CEP170: variants seen among roughly 807,000 people sequenced by gnomAD.
CEP170 encodes centrosomal protein 170.
A neutral mutation model predicts 151.9 loss-of-function variants in CEP170; 21 were observed. The ratio of observed to expected loss-of-function variants is 0.14; its 90% CI spans 0.10 to 0.20. CEP170 has a LOEUF of 0.20. Ranked by LOEUF, CEP170 falls within the 10% of genes least tolerant of loss-of-function variation. The pLI, the probability that CEP170 is intolerant of heterozygous loss-of-function variation, is 1.00. For missense variants in CEP170, 964 were observed against 1,892.9 expected (o/e 0.51, Z 9.11); for synonymous variants, 356 against 648.8 (o/e 0.55, Z 6.86).
At chr1:243,150,182 GCT>G (rs1192237712) in intron 14 of CEP170, among the ~76,000 whole-genome samples, 2 of 152,108 alleles carry the variant, frequency 1.3e-5, no homozygotes, top group African/African-American at 4.8e-5. Flanking sequence ...ACAGAATCTC[GCT>G]CTGTCACCCT....
intron 17 of CEP170, among the ~76,000 whole-genome samples, chr1:243,131,629 A>G (rs1372387943): frequency 1.3e-5 from 2 of 152,096 alleles, no homozygotes; most frequent in Admixed American, 1.3e-4. Context: ...ATATTTAAAT[A>G]CTAGAGAATC....
intron 7 of CEP170, among the ~76,000 whole-genome samples, chr1:243,193,979 G>C (rs1335680580): frequency 6.6e-6 from 1 of 151,916 alleles, no homozygotes; most frequent in Non-Finnish European, 1.5e-5. Context: ...CTGAGAATCA[G>C]GAAGACAAAA....
At chr1:243,214,214 T>G (rs548466630) in intron 3 of CEP170, among the ~76,000 whole-genome samples, 6 of 151,580 alleles carry the variant, frequency 4.0e-5, no homozygotes, top group Non-Finnish European at 7.4e-5. Flanking sequence ...CTAAAAATAA[T>G]AAGTGTTTTG....
chr1:243,197,948 T>C (rs555212374), intron 7 of CEP170, among the ~76,000 whole-genome samples: 2 of 152,264 alleles, frequency 1.3e-5, no homozygotes, highest in East Asian at 3.9e-4. Flanking sequence ...CACTGTAAGA[T>C]GAAGTTGATA....
chr1:243,184,403 C>T (rs1232813599), intron 10 of CEP170, among the ~76,000 whole-genome samples: 1 of 151,712 alleles, frequency 6.6e-6, no homozygotes, highest in Non-Finnish European at 1.5e-5. Flanking sequence ...GCAAAATAAT[C>T]TTTTAATGGG....
intron 13 of CEP170, among the ~76,000 whole-genome samples, chr1:243,159,096 T>C (rs1460716559): frequency 6.6e-6 from 1 of 151,674 alleles, no homozygotes; most frequent in Non-Finnish European, 1.5e-5. Flanking sequence ...AAGAAAAAAA[T>C]CAAACGAATA....
chr1:243,137,818 T>TC (rs2055309572), intron 16 of CEP170, among the ~76,000 whole-genome samples: 1 of 151,454 alleles, frequency 6.6e-6, no homozygotes, highest in Non-Finnish European at 1.5e-5. Context: ...GAAAGAGAGT[T>TC]CATTGATGAG....
intron 4 of CEP170, among the ~76,000 whole-genome samples, chr1:243,201,496 CTAT>C (rs1461597734): frequency 6.6e-6 from 1 of 152,102 alleles, no homozygotes; most frequent in Non-Finnish European, 1.5e-5. Context: ...TTAAAAAGAT[CTAT>C]TCACTAAAGA....
intron 12 of CEP170, among the ~76,000 whole-genome samples, chr1:243,168,814 CTTT>C (rs1384950844): frequency 2.0e-5 from 3 of 151,620 alleles, no homozygotes; most frequent in Non-Finnish European, 4.4e-5. Context: ...TTTAAAAAGC[CTTT>C]ATATTTCTGT....
At chr1:243,153,895 C>T (rs2148441192) in intron 14 of CEP170, among the ~76,000 whole-genome samples, 1 of 152,136 alleles carries the variant, frequency 6.6e-6, no homozygotes, top group Non-Finnish European at 1.5e-5. Context: ...CTCTGTTTAC[C>T]CTAATATTCA....
At chr1:243,153,863 A>T (rs1285060626) in intron 14 of CEP170, among the ~76,000 whole-genome samples, 1 of 152,228 alleles carries the variant, frequency 6.6e-6, no homozygotes, top group African/African-American at 2.4e-5. Context: ...TCATTTGGTT[A>T]TCTGTAAAGC....
chr1:243,226,767 A>G (rs185907071), intron 1 of CEP170, among the ~76,000 whole-genome samples: 31 of 152,310 alleles, frequency 2.0e-4, no homozygotes, highest in Non-Finnish European at 3.7e-4. Flanking sequence ...AGGCGGGCAG[A>G]TCACCTGAGG....
chr1:243,251,310 AATTTTATG>A (rs2065914243), intron 1 of CEP170, among the ~76,000 whole-genome samples: 1 of 152,194 alleles, frequency 6.6e-6, no homozygotes, highest in African/African-American at 2.4e-5. Flanking sequence ...TGAATTCTAA[AATTTTATG>A]AACCAGAGTA....
At chr1:243,215,200 G>A (rs1217123235) in intron 3 of CEP170, among the ~76,000 whole-genome samples, 1 of 152,116 alleles carries the variant, frequency 6.6e-6, no homozygotes, top group Admixed American at 6.5e-5. Flanking sequence ...GAGGATGTAT[G>A]TCGCCTCAGG....
chr1:243,186,121 T>C, intron 9 of CEP170, 49 bp from the exon 10 acceptor site: 1 of 1,613,452 alleles, frequency 6.2e-7, no homozygotes, highest in Non-Finnish European at 8.5e-7. Flanking sequence ...GAGACTTTGC[T>C]TTCTCAAGTT....
chr1:243,253,643 C>T (rs748941387), intron 1 of CEP170, among the ~76,000 whole-genome samples: 1 of 152,140 alleles, frequency 6.6e-6, no homozygotes, highest in Non-Finnish European at 1.5e-5. Context: ...CTGAAGCATA[C>T]CCAGTTAGGG....
At chr1:243,157,541 C>T (rs1294017984) in intron 13 of CEP170, among the ~76,000 whole-genome samples, 1 of 152,158 alleles carries the variant, frequency 6.6e-6, no homozygotes, top group Non-Finnish European at 1.5e-5. Flanking sequence ...TGGATGTAAA[C>T]ATTTACTTTT....
At chr1:243,207,581 A>T (rs927132414) in intron 4 of CEP170, among the ~76,000 whole-genome samples, 1 of 151,978 alleles carries the variant, frequency 6.6e-6, no homozygotes, top group Non-Finnish European at 1.5e-5. Flanking sequence ...AGCAGAACGC[A>T]TATCCTTTTT....
chr1:243,212,028 A>G lies in CEP170; in HGVS notation c.196-64T>C, dbSNP rs907319621. The G allele has an allele frequency of 2.1e-5, 28 of 1,313,738 alleles. No homozygotes were observed. In the African/African-American group the frequency reaches 3.6e-4, roughly 17 times the overall value. The allele number at this position is 1,313,738 out of a possible 1,614,324, so 81.4% of individuals were successfully genotyped here. The stretch of plus-strand genomic sequence containing the variant: ...GGTATTAATTCTTACATTTCAGATA[A>G]GCAAATTCTCAAATCTGAGAGTTAA... On this transcript the variant is annotated intron_variant, in intron 3 of 19. Coordinates refer to ENST00000366542, the MANE Select transcript of CEP170 (RefSeq NM_014812.3).
Sources: allele counts gnomAD v4.1 joint callset (sites outside exome capture counted in the v4.1 genomes callset), GRCh38; gene constraint gnomAD v4.1.1; transcripts MANE v1.5; gene names NCBI Gene and HGNC (gene_info 2026-07-23, HGNC 2026-07-21).